The following SH2B2 variants were observed in gnomAD, a reference collection of about 807,000 sequenced individuals.
The protein encoded by SH2B2 is SH2B adaptor protein 2, also known as SH2B adapter protein 2.
A neutral mutation model predicts 35.7 loss-of-function variants in SH2B2; 37 were observed. The observed-to-expected ratio is 1.04, with a 90% CI of 0.80 to 1.36. The LOEUF is 1.36. SH2B2 is among the 40% of genes most tolerant of loss of function. SH2B2 has a pLI of 0.00. For missense variants in SH2B2, 852 were observed against 817.7 expected, an observed-to-expected ratio of 1.04 and a Z score of -0.51; for synonymous variants, 383 against 376.4, an observed-to-expected ratio of 1.02 and a Z score of -0.20.
intron 6 of SH2B2, among the ~76,000 whole-genome samples, chr7:102,315,755 A>AG (rs1433493555): frequency 6.7e-6 from 1 of 149,476 alleles, no homozygotes; most frequent in African/African-American, 2.5e-5. Context: ...AAAAAAAAAA[A>AG]AAAAAAAGAA....
intron 4 of SH2B2, among the ~76,000 whole-genome samples, chr7:102,310,076 G>A (rs574399882): frequency 1.3e-5 from 2 of 152,318 alleles, no homozygotes; most frequent in Admixed American, 1.3e-4. Flanking sequence ...AGCACTTTGG[G>A]AGGCCGAGGC....
In SH2B2 at chr7:102,321,392, C is replaced by G; in HGVS notation, c.1661C>G (p.Ala554Gly). Reference protein sequence around the residue: ...QHYFSSLAAAACPPASPSDAA... With the variant: ...QHYFSSLAAAGCPPASPSDAA... ...TACTTCTCCAGCCTCGCCGCGGCCG[C>G]CTGCCCGCCTGCCTCGCCCTCCGAC... is the stretch of plus-strand genomic sequence containing the variant. Residue 554 changes from alanine to glycine, a missense_variant, in exon 9 of 9, where the codon GCC (alanine) becomes GGC (glycine). Ala to Gly is a moderately conservative substitution (Grantham distance 60). This residue lies in a region of SH2B2 where 556 missense variants were observed against 514.5 expected (regional missense o/e 1.08). Transcript: ENST00000444095. 1 of 1,379,108 alleles carries G rather than the reference C, an allele frequency of 7.3e-7. No homozygotes were observed. Among genetic ancestry groups the G allele is most frequent in the African/African-American group, 1.5e-5 (1 of 65,896 alleles). The allele number at this position is 1,379,108 out of a possible 1,614,324, so 85.4% of individuals were successfully genotyped here.
chr7:102,319,385 A>G (rs553488874), intron 7 of SH2B2, among the ~76,000 whole-genome samples: 13 of 152,208 alleles, frequency 8.5e-5, no homozygotes, highest in Non-Finnish European at 1.9e-4. Flanking sequence ...ACCCCGCTCC[A>G]GGGATTGTCT....
intron 1 of SH2B2, among the ~76,000 whole-genome samples, chr7:102,289,862 G>A (rs1372638308): frequency 1.3e-5 from 2 of 152,092 alleles, no homozygotes; most frequent in Admixed American, 6.5e-5. Context: ...CCCCAGAAAG[G>A]CAGGGTGGGG....
In SH2B2 at chr7:102,311,577, T is replaced by TA. The variant is rs1467123483; in HGVS notation, c.923+2672dup. Among the ~76,000 whole-genome samples the TA allele has an allele frequency of 4.4e-5, 6 of 136,104 alleles. 2 individuals carry two copies. The highest frequency in any genetic ancestry group is 7.7e-5 in the Non-Finnish European group (5 of 65,098). The allele number at this position is 136,104 out of a possible 152,430, so 89.3% of individuals were successfully genotyped here. A position where few individuals can be genotyped will look rare whatever the true frequency, so the allele number is the denominator to read the frequency against. On this transcript the variant is annotated intron_variant, in intron 4 of 8. Transcript: ENST00000444095. ...GCCTTTTTTTTTTTTTTTTTTTTTT[T>TA]AGAGACGGGATCGGGATCGTGCTAT...
In SH2B2 at chr7:102,301,165, C is replaced by A. The variant is rs1554553767; in HGVS notation, c.615C>A (p.Ala205=). 4 of 1,569,054 alleles carry A rather than the reference C, an allele frequency of 2.5e-6. No homozygotes were observed. In the South Asian group the frequency reaches 4.6e-5, roughly 18 times the overall value. ...QREGALRFMV[A]DDAAAGSGGS... ...AGGGGGCGCTGCGCTTCATGGTGGC[C>A]GACGACGCGGCCGCGGGCTCCGGGG... The change falls in exon 2 of 9, where the codon GCC becomes GCA. Residue 205 remains alanine (A), a synonymous_variant. Coordinates refer to ENST00000444095, the MANE Select transcript of SH2B2 (RefSeq NM_001359228.2).
chr7:102,302,571 C>T (rs1382620991), intron 2 of SH2B2, among the ~76,000 whole-genome samples: 1 of 152,252 alleles, frequency 6.6e-6, no homozygotes, highest in Non-Finnish European at 1.5e-5. Flanking sequence ...AGTGCCCACC[C>T]TCTGAGAGCC....
rs782782011 is a variant in SH2B2, at chr7:102,300,958, G to T, written c.408G>T (p.Ser136=). ...AGGCCCGCGTTCGCAAGGGCTTCTC[G>T]CTGCGCAACATGAGCCTGTGCGTGG... ...ATKARVRKGF[S]LRNMSLCVVD... The change falls in exon 2 of 9, where the codon TCG becomes TCT. Residue 136 remains serine (S), a synonymous_variant. Transcript: ENST00000444095. The T allele has an allele frequency of 3.4e-6, 5 of 1,488,456 alleles. No individual in the cohort carries two copies. The highest frequency in any genetic ancestry group is 1.5e-5 in the African/African-American group (1 of 68,670). The allele number at this position is 1,488,456 out of a possible 1,614,324, so 92.2% of individuals were successfully genotyped here. A position where few individuals can be genotyped will look rare whatever the true frequency, so the allele number is the denominator to read the frequency against.
chr7:102,300,888 G>A lies in SH2B2; in HGVS notation c.338G>A (p.Gly113Asp). The A allele has an allele frequency of 6.8e-7, 1 of 1,467,856 alleles. No individual in the cohort carries two copies. The highest frequency in any genetic ancestry group is 9.0e-7 in the Non-Finnish European group (1 of 1,113,876). The allele number at this position is 1,467,856 out of a possible 1,614,324, so 90.9% of individuals were successfully genotyped here. ...TCTGCACTCAAGGCGGCGCCCTACG[G>A]CCACTCGCGGAGCTCGGAGGACGTG... is the stretch of plus-strand genomic sequence containing the variant. ...DTSALKAAPY[G>D]HSRSSEDVST... The change falls in exon 2 of 9, where the codon GGC becomes GAC. Residue 113 changes from glycine (G) to aspartate (D), a missense_variant. Gly to Asp is a moderately conservative substitution (Grantham distance 94, BLOSUM62 -1). Transcript: ENST00000444095.
chr7:102,300,621 G>A lies in SH2B2; in HGVS notation c.71G>A (p.Arg24Gln), dbSNP rs1460679742. 2.5e-5 allele frequency: 39 copies of A among 1,550,784 alleles called. No individual in the cohort carries two copies. In the South Asian group the frequency reaches 4.3e-4, roughly 17 times the overall value. The change falls in exon 2 of 9, where the codon CGG becomes CAG. Residue 24 changes from arginine (R) to glutamine (Q), a missense_variant. Arg to Gln is a conservative substitution (Grantham distance 43). Around this residue, in one of 3 missense-constraint regions of SH2B2, gnomAD observed 294 missense variants for 286.6 expected, o/e 1.03. Coordinates refer to ENST00000444095, the MANE Select transcript of SH2B2 (RefSeq NM_001359228.2). Reference sequence around the variant, plus strand: ...GTCCCGGTCCCGGTCCCGGACTGGCGGCAGTTCTGCGAGCTGCATGCGCAG... The same window carrying A: ...GTCCCGGTCCCGGTCCCGGACTGGCAGCAGTTCTGCGAGCTGCATGCGCAG... ...VPVPVPVPDW[R>Q]QFCELHAQAA...
At position 102,308,874 on chromosome 7, in the gene SH2B2, G is replaced by A; in HGVS notation, c.891G>A (p.Trp297Ter). The change falls in exon 4 of 9, where the codon TGG (tryptophan) becomes TGA (stop). Residue 297 changes from tryptophan to a stop codon, truncating the protein, a stop_gained. Transcript: ENST00000444095. LOFTEE classifies it high-confidence loss of function. ...TCGACTCTCTGCAGAAGCACTCGTG[G>A]GTAGCTGACATCCAGGGCTGCGTGG... is the stretch of plus-strand genomic sequence containing the variant. ...ETIDSLQKHSWVADIQGCVDP... is the reference protein window; with the variant it reads ...ETIDSLQKHS 2 of 1,613,724 alleles carry A rather than the reference G, an allele frequency of 1.2e-6. No homozygotes were observed. The highest frequency in any genetic ancestry group is 1.7e-6 in the Non-Finnish European group (2 of 1,179,890).
chr7:102,320,245 C>T (rs1189642988), intron 7 of SH2B2, 86 bp from the exon 8 acceptor site: 1 of 1,155,156 alleles, frequency 8.7e-7, no homozygotes, highest in Non-Finnish European at 1.3e-6. Flanking sequence ...CCCTGTGAGC[C>T]TTGGTCCTTC....
At chr7:102,307,416 C>T (rs1410947637) in intron 3 of SH2B2, among the ~76,000 whole-genome samples, 1 of 152,200 alleles carries the variant, frequency 6.6e-6, no homozygotes, top group African/African-American at 2.4e-5. Context: ...GAAGCAATGT[C>T]CCCGGGGAGG....
At chr7:102,304,911 C>G (rs1026794161) in intron 2 of SH2B2, among the ~76,000 whole-genome samples, 4 of 152,254 alleles carry the variant, frequency 2.6e-5, no homozygotes, top group African/African-American at 7.2e-5. Context: ...TGTGGCCTTT[C>G]CATTTCCTCC....
chr7:102,316,755 A>T (rs1371103268), intron 6 of SH2B2, among the ~76,000 whole-genome samples: 1 of 152,172 alleles, frequency 6.6e-6, no homozygotes, highest in Non-Finnish European at 1.5e-5. Flanking sequence ...GCAATGGCTT[A>T]CACCTATAAT....
In SH2B2 at chr7:102,301,004, T is replaced by A; in HGVS notation, c.454T>A (p.Trp152Arg). The A allele has an allele frequency of 7.0e-7, 1 of 1,426,472 alleles. No homozygotes were observed. The allele number at this position is 1,426,472 out of a possible 1,614,324, so 88.4% of individuals were successfully genotyped here. A position where few individuals can be genotyped will look rare whatever the true frequency, so the allele number is the denominator to read the frequency against. ...CGTGGTGGACGGCGTGCGCGACATG[T>A]GGCACCGGCGCGCCTCGCCCGAGCC... ...LCVVDGVRDM[W>R]HRRASPEPDA... The change falls in exon 2 of 9, where the codon TGG becomes AGG. Residue 152 changes from tryptophan (W) to arginine (R), a missense_variant. This residue lies in a region of SH2B2 where 294 missense variants were observed against 286.6 expected (regional missense o/e 1.03). Coordinates refer to ENST00000444095, the MANE Select transcript of SH2B2 (RefSeq NM_001359228.2).
rs1554553359 is a variant in SH2B2 at position 102,300,567 on chromosome 7, C to A, written c.17C>A (p.Pro6His). The part of the protein sequence containing the change: MNGAG[P>H]GPAAAAPVPV... The stretch of plus-strand genomic sequence containing the variant: ...ACGGAAGCCATGAATGGTGCCGGCC[C>A]TGGCCCCGCCGCAGCCGCCCCGGTC... Residue 6 changes from proline to histidine, a missense_variant, in exon 2 of 9, where the codon CCT becomes CAT. By Grantham distance (77) the Pro-to-His change is moderately conservative. This residue lies in a region of SH2B2 where 294 missense variants were observed against 286.6 expected (regional missense o/e 1.03). Coordinates refer to ENST00000444095, the MANE Select transcript of SH2B2 (RefSeq NM_001359228.2). 6.5e-7 allele frequency: 1 copy of A among 1,547,070 alleles called. No homozygotes were observed. The highest frequency in any genetic ancestry group is 1.2e-5 in the South Asian group (1 of 84,100).
chr7:102,301,482 G>A (rs1047228003), intron 2 of SH2B2, among the ~76,000 whole-genome samples: 2 of 152,132 alleles, frequency 1.3e-5, no homozygotes, highest in Non-Finnish European at 1.5e-5. Context: ...CTTCCTTTGC[G>A]AGGAAGGGTC....
intron 2 of SH2B2, among the ~76,000 whole-genome samples, chr7:102,303,820 C>G (rs967376383): frequency 2.6e-5 from 4 of 152,182 alleles, no homozygotes; most frequent in African/African-American, 7.2e-5. Flanking sequence ...CTGTAAATAG[C>G]AGTGTCTGCT....
Sources: allele counts gnomAD v4.1 joint callset (sites outside exome capture counted in the v4.1 genomes callset), GRCh38; gene constraint gnomAD v4.1.1; regional missense constraint gnomAD v4.1.1; transcripts MANE v1.5; gene names NCBI Gene and HGNC (gene_info 2026-07-23, HGNC 2026-07-21).